The following SSC5D variants were observed in gnomAD, a reference collection of about 807,000 sequenced individuals.
The protein encoded by SSC5D is soluble scavenger receptor cysteine-rich domain-containing protein SSC5D.
Under a neutral mutation model 104.6 loss-of-function variants are expected in SSC5D, and 106 were observed. The observed-to-expected ratio is 1.01, with a 90% CI of 0.87 to 1.19. The LOEUF is 1.19. Among genes scored for constraint, SSC5D ranks in the 50% most tolerant of loss-of-function variants. SSC5D has a pLI of 0.00. For missense variants in SSC5D, 1,993 were observed against 2,153.8 expected, an observed-to-expected ratio of 0.93 and a Z score of 1.48; for synonymous variants, 860 against 883.5, an observed-to-expected ratio of 0.97 and a Z score of 0.47.
At chr19:55,496,395 C>G (rs887612821) in intron 8 of SSC5D, among the ~76,000 whole-genome samples, 1 of 152,342 alleles carries the variant, frequency 6.6e-6, no homozygotes, top group Non-Finnish European at 1.5e-5. Flanking sequence ...ACACAGCTGT[C>G]TCCTCAAGAT....
rs56232242 is a variant in SSC5D, at chr19:55,495,234, T to TATATA, written c.1387+451_1387+452insATATA. Among the ~76,000 whole-genome samples the TATATA allele has an allele frequency of 1.8e-3, 41 of 22,226 alleles. 2 individuals carry two copies. Among genetic ancestry groups the TATATA allele is most frequent in the African/African-American group, 5.0e-3 (35 of 7,054 alleles). 14.6% of individuals were successfully genotyped at this position (22,226 alleles called of 152,430 possible). On this transcript the variant is annotated intron_variant, in intron 8 of 13. Transcript: ENST00000389623. ...CTCCTTTCATATATATATATATATATTTTTTTTTTTTTTTTTTTTTTTTTT... is the reference window on the plus strand; with the variant it reads ...CTCCTTTCATATATATATATATATATATATATTTTTTTTTTTTTTTTTTTTTTTTT...
chr19:55,505,144 C>T (rs187609745), intron 12 of SSC5D, among the ~76,000 whole-genome samples: 25 of 151,818 alleles, frequency 1.6e-4, no homozygotes, highest in Admixed American at 1.2e-3. Context: ...ATTCAATGAA[C>T]AAAATGTGTG....
Position 55,500,427 on chromosome 19 carries a change from G to A in SSC5D, c.2302+15G>A. 1 of 1,549,296 alleles carries A rather than the reference G, an allele frequency of 6.5e-7. No individual in the cohort carries two copies. ...TGGGGAATCAGGTGAGTGGCCGTGA[G>A]GGGTGTGGGGAGAGAATGGGAGAGG... On this transcript the variant is annotated intron_variant, in intron 10 of 13. Transcript: ENST00000389623. The surrounding 1 kb of genome is among the most constrained non-coding windows in gnomAD (Gnocchi z 4.6).
At chr19:55,514,295 C>G (rs549836693) in intron 13 of SSC5D, among the ~76,000 whole-genome samples, 1 of 151,926 alleles carries the variant, frequency 6.6e-6, no homozygotes, top group African/African-American at 2.4e-5. Context: ...GTCCCAGCTA[C>G]TCGGGAGGCT....
At position 55,515,529 on chromosome 19, in the gene SSC5D, G is replaced by A. The variant is rs149560419; in HGVS notation, c.2948-1695G>A. Among the ~76,000 whole-genome samples the A allele has an allele frequency of 3.8e-3, 576 of 151,336 alleles. 5 individuals carry two copies. Among genetic ancestry groups the A allele is most frequent in the African/African-American group, 0.014 (561 of 41,246 alleles). On this transcript the variant is annotated intron_variant, in intron 13 of 13. Coordinates refer to ENST00000389623, the MANE Select transcript of SSC5D (RefSeq NM_001144950.2). ...GGGCGGATCACGAGGTCAGGAGATC[G>A]CGACCGTCCTGGCTAACACAGTGAA... is the stretch of plus-strand genomic sequence containing the variant.
chr19:55,499,004 C>T (rs184606291), intron 9 of SSC5D, among the ~76,000 whole-genome samples: 12 of 152,298 alleles, frequency 7.9e-5, no homozygotes, highest in African/African-American at 2.4e-4. Flanking sequence ...ATCCCAGCAA[C>T]GAAGTGGGAC....
intron 12 of SSC5D, among the ~76,000 whole-genome samples, chr19:55,508,167 G>A (rs140046301): frequency 6.6e-6 from 1 of 152,264 alleles, no homozygotes; most frequent in Non-Finnish European, 1.5e-5. Flanking sequence ...TAGCGAGATG[G>A]AATTTGAAGC....
rs116721481 is a variant in SSC5D, at chr19:55,512,067, G to A, written c.2786-944G>A. On this transcript the variant is annotated intron_variant, in intron 12 of 13. Coordinates refer to ENST00000389623, the MANE Select transcript of SSC5D (RefSeq NM_001144950.2). ...GGAAGCTGTTGTTGAGGCCGGGCACGGTGGCTCACACCTGTAGCTCACTTT... is the reference window on the plus strand; with the variant it reads ...GGAAGCTGTTGTTGAGGCCGGGCACAGTGGCTCACACCTGTAGCTCACTTT... 1.6e-3 allele frequency among the ~76,000 whole-genome samples: 248 copies of A among 151,936 alleles called. 1 individual carries two copies. Among genetic ancestry groups the A allele is most frequent in the African/African-American group, 5.3e-3 (220 of 41,430 alleles).
Position 55,517,564 on chromosome 19 carries a change from A to G in SSC5D, c.3288A>G (p.Lys1096=). 6.4e-7 allele frequency: 1 copy of G among 1,551,268 alleles called. No homozygotes were observed. Among genetic ancestry groups the G allele is most frequent in the Non-Finnish European group, 8.7e-7 (1 of 1,146,920 alleles). ...CCACGCCCTTACCCACCTTGCCCAA[A>G]GAGCTGACCTCTGACCCTTCTACAC... ...PSPTPLPTLP[K]ELTSDPSTPS... The change falls in exon 14 of 14, where the codon AAA becomes AAG. Residue 1096 remains lysine (K), a synonymous_variant. Coordinates refer to ENST00000389623, the MANE Select transcript of SSC5D (RefSeq NM_001144950.2).
At chr19:55,505,239 C>T (rs1321500750) in intron 12 of SSC5D, among the ~76,000 whole-genome samples, 1 of 151,482 alleles carries the variant, frequency 6.6e-6, no homozygotes, top group Non-Finnish European at 1.5e-5. Context: ...AGGGAACGAG[C>T]GATTATTTGT....
chr19:55,515,111 G>A (rs892333418), intron 13 of SSC5D, among the ~76,000 whole-genome samples: 13 of 152,134 alleles, frequency 8.5e-5, no homozygotes, highest in African/African-American at 3.1e-4. Context: ...GTAGCTAAGA[G>A]CACCGGGCAT....
At position 55,493,937 on chromosome 19, in the gene SSC5D, G is replaced by A. The variant is rs779787667; in HGVS notation, c.1213+25G>A. ...GGTGAGGGGGTTGTGGTGGAGGACCGGGAGGTGGGCGTGGTGGTGCTTGGA... is the reference window on the plus strand; with the variant it reads ...GGTGAGGGGGTTGTGGTGGAGGACCAGGAGGTGGGCGTGGTGGTGCTTGGA... On this transcript the variant is annotated intron_variant, in intron 7 of 13. Coordinates refer to ENST00000389623, the MANE Select transcript of SSC5D (RefSeq NM_001144950.2). 7.9e-6 allele frequency: 12 copies of A among 1,524,112 alleles called. No homozygotes were observed. The South Asian group carries it at 8.4e-5, about 11-fold the overall frequency. The allele number at this position is 1,524,112 out of a possible 1,614,324, so 94.4% of individuals were successfully genotyped here.
At position 55,490,334 on chromosome 19, in the gene SSC5D, G is replaced by A. The variant is rs538710668; in HGVS notation, c.512G>A (p.Arg171Gln). The change falls in exon 5 of 14, where the codon CGG becomes CAG. Residue 171 changes from arginine (R) to glutamine (Q), a missense_variant. By Grantham distance (43) the Arg-to-Gln change is conservative. Transcript: ENST00000389623. ...RPAGNPQNAS[R>Q]KKSPRPKQAK... ...GCTGGGAACCCCCAGAACGCCTCCCGGAAGAAGAGCCCCCGGCCCAAGCAG... is the reference window on the plus strand; with the variant it reads ...GCTGGGAACCCCCAGAACGCCTCCCAGAAGAAGAGCCCCCGGCCCAAGCAG... The A allele has an allele frequency of 3.6e-5, 54 of 1,496,984 alleles. No individual in the cohort carries two copies. In the South Asian group the frequency reaches 4.7e-4, roughly 13 times the overall value. The allele number at this position is 1,496,984 out of a possible 1,614,324, so 92.7% of individuals were successfully genotyped here.
At chr19:55,506,426 G>A (rs761788318) in intron 12 of SSC5D, among the ~76,000 whole-genome samples, 88 of 111,534 alleles carry the variant, frequency 7.9e-4, no homozygotes, top group Non-Finnish European at 1.4e-3. Context: ...ACGGAGTCTC[G>A]CTCTGTCGCC....
At position 55,494,746 on chromosome 19, in the gene SSC5D, C is replaced by G. The variant is rs529640963; in HGVS notation, c.1350C>G (p.Ala450=). The G allele has an allele frequency of 5.2e-4, 801 of 1,549,724 alleles. 6 individuals carry two copies. The African/African-American group carries it at 9.7e-3, about 19-fold the overall frequency. The change falls in exon 8 of 14, where the codon GCC becomes GCG. Residue 450 remains alanine, a synonymous_variant. Transcript: ENST00000389623. ...PGTAGVSPPP[A]SPTVLWEPGP... ...CGGCAGGCGTTTCACCTCCTCCAGC[C>G]TCCCCTACTGTCCTTTGGGAGCCTG...
Position 55,500,421 on chromosome 19 carries a change from C to T in SSC5D, c.2302+9C>T. ...CACCACTGGGGAATCAGGTGAGTGGCCGTGAGGGGTGTGGGGAGAGAATGG... is the reference window on the plus strand; with the variant it reads ...CACCACTGGGGAATCAGGTGAGTGGTCGTGAGGGGTGTGGGGAGAGAATGG... On this transcript the variant is annotated intron_variant, in intron 10 of 13. Coordinates refer to ENST00000389623, the MANE Select transcript of SSC5D (RefSeq NM_001144950.2). The surrounding 1 kb of genome is among the most constrained non-coding windows in gnomAD (Gnocchi z 4.6). The T allele has an allele frequency of 1.3e-6, 2 of 1,549,290 alleles. No homozygotes were observed. Among genetic ancestry groups the T allele is most frequent in the Non-Finnish European group, 1.7e-6 (2 of 1,145,398 alleles).
chr19:55,500,437 G>T lies in SSC5D; in HGVS notation c.2302+25G>T. ...GGTGAGTGGCCGTGAGGGGTGTGGG[G>T]AGAGAATGGGAGAGGCTGACCCTCC... On this transcript the variant is annotated intron_variant, in intron 10 of 13. Transcript: ENST00000389623. This position sits in a 1 kb window ranked among gnomAD's most constrained non-coding sequence, Gnocchi z 4.6. 6.5e-7 allele frequency: 1 copy of T among 1,548,236 alleles called. No individual in the cohort carries two copies. Among genetic ancestry groups the T allele is most frequent in the South Asian group, 1.2e-5 (1 of 83,886 alleles).
At position 55,499,921 on chromosome 19, in the gene SSC5D, C is replaced by A. The variant is rs780701350; in HGVS notation, c.1811C>A (p.Pro604His). 1.1e-5 allele frequency: 17 copies of A among 1,551,672 alleles called. No individual in the cohort carries two copies. Among genetic ancestry groups the A allele is most frequent in the Non-Finnish European group, 4.4e-6 (5 of 1,147,048 alleles). ...CTCCCGGGAGAGCTGGCCACCAAGC[C>A]CTCTGCAAGTGTGACTGCCAGTGTT... ...AWLPGELATK[P>H]SASVTASVLE... is the part of the protein sequence containing the mutation. The change falls in exon 10 of 14, where the codon CCC (proline) becomes CAC (histidine). Residue 604 changes from proline to histidine, a missense_variant. Pro to His is a moderately conservative substitution (Grantham distance 77). Around this residue, in one of 6 missense-constraint regions of SSC5D, gnomAD observed 1,101 missense variants for 1,085.0 expected, o/e 1.01. Transcript: ENST00000389623.
In SSC5D at chr19:55,500,311, C is replaced by T; in HGVS notation, c.2201C>T (p.Pro734Leu). ...MTSESTIKSI[P>L]QASLEPSAEI... ...TCTGAGTCCACTATCAAGAGTATCC[C>T]TCAGGCCTCCCTGGAGCCATCTGCT... The change falls in exon 10 of 14, where the codon CCT becomes CTT. Residue 734 changes from proline (P) to leucine (L), a missense_variant. By Grantham distance (98) the Pro-to-Leu change is moderately conservative. This residue lies in a region of SSC5D where 1,101 missense variants were observed against 1,085.0 expected (regional missense o/e 1.01). Transcript: ENST00000389623. This position sits in a 1 kb window ranked among gnomAD's most constrained non-coding sequence, Gnocchi z 4.6. 1 of 1,551,576 alleles carries T rather than the reference C, an allele frequency of 6.4e-7. No individual in the cohort carries two copies. The highest frequency in any genetic ancestry group is 1.2e-5 in the South Asian group (1 of 84,050).
Sources: allele counts gnomAD v4.1 joint callset (sites outside exome capture counted in the v4.1 genomes callset), GRCh38; gene constraint gnomAD v4.1.1; regional missense constraint gnomAD v4.1.1; non-coding constraint Gnocchi (gnomAD v3.1); transcripts MANE v1.5; gene names NCBI Gene and HGNC (gene_info 2026-07-23, HGNC 2026-07-21).